Variants in OPHN1 observed in about 807,000 individuals in gnomAD.
The protein encoded by OPHN1 is oligophrenin-1.
Under a neutral mutation model 60.7 loss-of-function variants are expected in OPHN1, and 11 were observed. That is an observed-to-expected ratio of 0.18 (90% CI 0.11 to 0.30). OPHN1 has a LOEUF of 0.30. Among genes scored for constraint, OPHN1 ranks in the 10% least tolerant of loss-of-function variants. The pLI is 1.00. For missense variants in OPHN1, 449 were observed against 611.0 expected, an observed-to-expected ratio of 0.73 and a Z score of 2.80; for synonymous variants, 226 against 222.6, an observed-to-expected ratio of 1.02 and a Z score of -0.14.
At chrX:68,423,018 C>CTTTTT (rs1228117590) in intron 2 of OPHN1, among the ~76,000 whole-genome samples, 1 of 25,348 alleles carries the variant, frequency 3.9e-5, no homozygotes, top group African/African-American at 6.1e-5. Flanking sequence ...ATGTAGCTTT[C>CTTTTT]TTTTTTTTTT....
intron 6 of OPHN1, among the ~76,000 whole-genome samples, chrX:68,226,587 A>G: frequency 8.9e-6 from 1 of 111,884 alleles, no homozygotes; most frequent in South Asian, 3.8e-4. Flanking sequence ...AACTTTCTTA[A>G]TGAAAAGAAT....
chrX:68,253,977 C>T (rs1402335716), intron 5 of OPHN1, among the ~76,000 whole-genome samples: 7 of 112,025 alleles, frequency 6.2e-5, no homozygotes, highest in Non-Finnish European at 1.1e-4. Flanking sequence ...TAGGGGGTAA[C>T]GGCACAGGGA....
intron 8 of OPHN1, 65 bp downstream of exon 8, chrX:68,212,043 G>A (rs2077586888): frequency 1.2e-6 from 1 of 803,210 alleles, no homozygotes; most frequent in Non-Finnish European, 1.8e-6. Context: ...AAGAATCAAG[G>A]TCGCTAGGGC....
chrX:68,096,182 T>C (rs2077037636), intron 19 of OPHN1, among the ~76,000 whole-genome samples: 1 of 110,912 alleles, frequency 9.0e-6, no homozygotes, highest in South Asian at 3.8e-4. Flanking sequence ...ACCCTCCCTA[T>C]AACTGAAGGA....
chrX:68,254,846 G>A (rs372624667), intron 5 of OPHN1, among the ~76,000 whole-genome samples: 5 of 108,707 alleles, frequency 4.6e-5, no homozygotes, highest in African/African-American at 1.7e-4. Flanking sequence ...GTGAAACCCC[G>A]TCTCTGCCAA....
intron 2 of OPHN1, among the ~76,000 whole-genome samples, chrX:68,334,234 A>G (rs2147680999): frequency 9.0e-6 from 1 of 111,727 alleles, no homozygotes; most frequent in Admixed American, 9.6e-5. Context: ...GGTAAGAATT[A>G]TATTTTAAAG....
intron 6 of OPHN1, among the ~76,000 whole-genome samples, chrX:68,215,565 T>C (rs1160702464): frequency 3.6e-5 from 4 of 111,456 alleles, no homozygotes; most frequent in East Asian, 2.8e-4. Context: ...TGTAGGTATA[T>C]GATATTCAAA....
At chrX:68,307,047 G>A (rs932374458) in intron 2 of OPHN1, among the ~76,000 whole-genome samples, 3 of 111,222 alleles carry the variant, frequency 2.7e-5, no homozygotes, top group Non-Finnish European at 5.6e-5. Context: ...TAATATATAA[G>A]CAGTTTACTA....
chrX:68,063,666 G>A (rs892772779), intron 21 of OPHN1, among the ~76,000 whole-genome samples, 188 bp downstream of exon 21: 5 of 112,399 alleles, frequency 4.4e-5, no homozygotes, highest in African/African-American at 1.6e-4. Flanking sequence ...AAAAAATCCC[G>A]GCCCTCATGG....
intron 2 of OPHN1, among the ~76,000 whole-genome samples, chrX:68,340,687 G>GA (rs139567765): frequency 0.015 from 1,589 of 109,450 alleles, 15 homozygotes; most frequent in Non-Finnish European, 0.024. Context: ...AGGAACAAGA[G>GA]AAAAAAAAAT....
intron 2 of OPHN1, among the ~76,000 whole-genome samples, chrX:68,401,596 G>C (rs1416082842): frequency 3.6e-5 from 4 of 112,173 alleles, no homozygotes; most frequent in Non-Finnish European, 7.5e-5. Flanking sequence ...GTGAAGATGA[G>C]TGCATAATAC....
intron 15 of OPHN1, among the ~76,000 whole-genome samples, chrX:68,177,768 CACCAAGTGGATGAGGCT>C (rs1569234299): frequency 1.8e-5 from 2 of 110,978 alleles, no homozygotes; most frequent in African/African-American, 3.3e-5. Flanking sequence ...ACTGGAACAG[CACCAAGTGGATGAGGCT>C]AAACCATTCA....
At chrX:68,168,965 C>A (rs372303410) in intron 15 of OPHN1, among the ~76,000 whole-genome samples, 2 of 111,423 alleles carry the variant, frequency 1.8e-5, no homozygotes, top group Non-Finnish European at 3.8e-5. Flanking sequence ...AAGAAGTTGA[C>A]TCTCTGAATA....
intron 15 of OPHN1, among the ~76,000 whole-genome samples, chrX:68,159,830 T>A (rs774923162): frequency 9.0e-6 from 1 of 110,522 alleles, no homozygotes; most frequent in Admixed American, 9.7e-5. Flanking sequence ...CAACAAAAAA[T>A]TTCCATTTAA....
intron 15 of OPHN1, among the ~76,000 whole-genome samples, chrX:68,130,741 T>G (rs1272728257): frequency 9.0e-6 from 1 of 111,085 alleles, no homozygotes; most frequent in African/African-American, 3.3e-5. Flanking sequence ...AATAAAAGAC[T>G]TAACTATTAA....
chrX:68,229,402 G>GA (rs1161316329), intron 6 of OPHN1, among the ~76,000 whole-genome samples: 4 of 111,511 alleles, frequency 3.6e-5, no homozygotes, highest in African/African-American at 1.3e-4. Context: ...CACAGAGTTG[G>GA]AAAAAACTAC....
At chrX:68,092,454 A>G (rs2077022263) in intron 19 of OPHN1, among the ~76,000 whole-genome samples, 2 of 112,369 alleles carry the variant, frequency 1.8e-5, no homozygotes, top group African/African-American at 6.5e-5. Context: ...ATCTCCATGT[A>G]AGATGTTTCA....
intron 6 of OPHN1, among the ~76,000 whole-genome samples, chrX:68,220,228 C>A: frequency 9.6e-6 from 1 of 103,905 alleles, no homozygotes; most frequent in Middle Eastern, 5.1e-3. Flanking sequence ...AAGACTAAAC[C>A]AGGAAGAAGT....
chrX:68,292,392 T>A (rs1170044735), intron 3 of OPHN1, among the ~76,000 whole-genome samples: 2 of 112,051 alleles, frequency 1.8e-5, no homozygotes, highest in African/African-American at 3.2e-5. Context: ...AGATTTTTTG[T>A]AAAATCTTTT....
Sources: gnomAD v4.1 joint callset for allele counts (sites outside exome capture counted in the v4.1 genomes callset) on GRCh38, gnomAD v4.1.1 for gene constraint, MANE v1.5 for transcripts, NCBI Gene and HGNC (gene_info 2026-07-23, HGNC 2026-07-21) for gene names.